The following SLC35E1 variants were observed in gnomAD, a reference collection of about 807,000 sequenced individuals.
SLC35E1 encodes solute carrier family 35, member E1.
Under a neutral mutation model 31.0 loss-of-function variants are expected in SLC35E1, and 12 were observed. The ratio of observed to expected loss-of-function variants is 0.39; its 90% CI spans 0.25 to 0.63. The LOEUF is 0.63. SLC35E1 is among the 20% of genes least tolerant of loss of function. SLC35E1 has a pLI of 0.52. For synonymous variants in SLC35E1, 257 were observed against 264.1 expected (o/e 0.97, Z 0.26); for missense variants, 429 against 572.2 (o/e 0.75, Z 2.55).
chr19:16,561,768 T>C (rs1194733422), intron 4 of SLC35E1, among the ~76,000 whole-genome samples: 1 of 152,278 alleles, frequency 6.6e-6, no homozygotes, highest in African/African-American at 2.4e-5. Context: ...GTGTAGTCTA[T>C]GTGGGAGACA....
chr19:16,564,457 C>T (rs530270023), intron 4 of SLC35E1, among the ~76,000 whole-genome samples: 1 of 152,228 alleles, frequency 6.6e-6, no homozygotes, highest in African/African-American at 2.4e-5. Context: ...AGGCGTGCAC[C>T]ACCATGCCTG....
At chr19:16,557,197 C>T in intron 4 of SLC35E1, 1 of 313,724 alleles carries the variant, frequency 3.2e-6, no homozygotes, top group Non-Finnish European at 6.3e-6. Context: ...CAATTCCAGG[C>T]ATTTTTTTTT....
chr19:16,561,262 A>G (rs1231654101), intron 4 of SLC35E1, among the ~76,000 whole-genome samples: 7 of 150,732 alleles, frequency 4.6e-5, no homozygotes, highest in Non-Finnish European at 8.9e-5. Flanking sequence ...AGAAAAGAGA[A>G]AGCCTAACAG....
intron 2 of SLC35E1, among the ~76,000 whole-genome samples, 184 bp from the exon 3 acceptor site, chr19:16,568,353 C>T (rs1468463774): frequency 6.6e-6 from 1 of 152,142 alleles, no homozygotes; most frequent in Admixed American, 6.5e-5. Flanking sequence ...GTTATCAGAG[C>T]GCCAGGGGCA....
At chr19:16,568,403 C>T (rs1466805237) in intron 2 of SLC35E1, among the ~76,000 whole-genome samples, 6 of 152,234 alleles carry the variant, frequency 3.9e-5, no homozygotes, top group Admixed American at 3.3e-4. Context: ...TACCGTCACC[C>T]CCATTAAGAG....
At position 16,553,538 on chromosome 19, in the gene SLC35E1, C is replaced by G; in HGVS notation, c.*141G>C. 5 of 769,392 alleles carry G rather than the reference C, an allele frequency of 6.5e-6. No individual in the cohort carries two copies. In the Middle Eastern group the frequency reaches 1.3e-3, roughly 194 times the overall value. The allele number at this position is 769,392 out of a possible 1,614,324, so 47.7% of individuals were successfully genotyped here. ...CATCCTCCTGCGGCTCACGGGGGGC[C>G]AGGAACCCCAGGGCTTCTGATGGAG... On this transcript the variant is annotated 3_prime_UTR_variant, in exon 6 of 6. Coordinates refer to ENST00000595753, the MANE Select transcript of SLC35E1 (RefSeq NM_024881.5).
intron 4 of SLC35E1, among the ~76,000 whole-genome samples, chr19:16,563,693 C>G (rs1335293596): frequency 6.6e-6 from 1 of 152,156 alleles, no homozygotes; most frequent in Non-Finnish European, 1.5e-5. Context: ...GTTGGCCAGG[C>G]TGGTTTCGAA....
chr19:16,561,079 T>C (rs2085903230), intron 4 of SLC35E1, among the ~76,000 whole-genome samples: 1 of 148,708 alleles, frequency 6.7e-6, no homozygotes, highest in Non-Finnish European at 1.5e-5. Flanking sequence ...CTGGGCATGA[T>C]GGCATGTGCC....
At chr19:16,563,700 C>T (rs1416457185) in intron 4 of SLC35E1, among the ~76,000 whole-genome samples, 1 of 152,038 alleles carries the variant, frequency 6.6e-6, no homozygotes, top group Admixed American at 6.6e-5. Context: ...AGGCTGGTTT[C>T]GAACTCCTGG....
chr19:16,568,110 C>T lies in SLC35E1; in HGVS notation c.552G>A (p.Leu184=). 3 of 1,613,798 alleles carry T rather than the reference C, an allele frequency of 1.9e-6. No individual in the cohort carries two copies. The highest frequency in any genetic ancestry group is 2.5e-6 in the Non-Finnish European group (3 of 1,179,950). ...SGVLLATVTE[L]SFDMWGLVSA... is the part of the protein sequence containing the mutation. ...TGACGAGTCCCCACATGTCAAAAGA[C>T]AACTCGGTGACGGTGGCCAGCAGGA... Residue 184 remains leucine (L), a synonymous_variant, in exon 3 of 6, where the codon TTG becomes TTA. Transcript: ENST00000595753.
chr19:16,561,213 CAAAAAAAAAAAAAAAAAAAA>C (rs59176175), intron 4 of SLC35E1, among the ~76,000 whole-genome samples: 2 of 24,744 alleles, frequency 8.1e-5, no homozygotes, highest in South Asian at 3.8e-3. Flanking sequence ...GACTCCATCT[CAAAAAAAAAAAAAAAAAAAA>C]AAAAAAAAAA....
At chr19:16,560,971 G>A (rs573453128) in intron 4 of SLC35E1, among the ~76,000 whole-genome samples, 3 of 149,158 alleles carry the variant, frequency 2.0e-5, no homozygotes, top group Non-Finnish European at 3.0e-5. Flanking sequence ...GGAGGTCGAG[G>A]CAGGCAGATC....
chr19:16,571,744 G>A (rs2085959819), intron 1 of SLC35E1, among the ~76,000 whole-genome samples, 162 bp from the exon 2 acceptor site: 1 of 152,176 alleles, frequency 6.6e-6, no homozygotes, highest in Admixed American at 6.5e-5. Flanking sequence ...GGTCTGTCCT[G>A]CTTACCTCTC....
intron 4 of SLC35E1, among the ~76,000 whole-genome samples, chr19:16,564,621 G>A (rs2085922810): frequency 6.6e-6 from 1 of 152,066 alleles, no homozygotes; most frequent in African/African-American, 2.4e-5. Flanking sequence ...AGGACAATTT[G>A]ACTAGGAAAA....
rs984010174 is a variant in SLC35E1, at chr19:16,555,393, T to C, written c.761A>G (p.Tyr254Cys). 8.1e-6 allele frequency: 13 copies of C among 1,613,376 alleles called. No homozygotes were observed. The highest frequency in any genetic ancestry group is 1.1e-5 in the Non-Finnish European group (13 of 1,179,996). ...SAFLVSSDLT[Y>C]VYQWPWTLLL... ...GAGCGTCCAGGGCCACTGGTAGACG[T>C]AGGTCTGCAGAGACCGGAAGGTAAA... The change falls in exon 5 of 6, where the codon TAC becomes TGC. Residue 254 changes from tyrosine (Y) to cysteine (C), a missense_variant. Coordinates refer to ENST00000595753, the MANE Select transcript of SLC35E1 (RefSeq NM_024881.5). This position sits in a 1 kb window ranked among gnomAD's most constrained non-coding sequence, Gnocchi z 4.1.
In SLC35E1 at chr19:16,572,005, G is replaced by A. The variant is rs2085961778; in HGVS notation, c.360C>T (p.Tyr120=). 1 of 1,546,636 alleles carries A rather than the reference G, an allele frequency of 6.5e-7. No individual in the cohort carries two copies. Among genetic ancestry groups the A allele is most frequent in the Non-Finnish European group, 8.7e-7 (1 of 1,145,384 alleles). ...RYVLPLAFGK[Y]FASVSAHVSI... ...TGACGTGCGCTGACACGGACGCGAAGTACTTGCCGAAGGCGAGCGGTAGCA... is the reference window on the plus strand; with the variant it reads ...TGACGTGCGCTGACACGGACGCGAAATACTTGCCGAAGGCGAGCGGTAGCA... Residue 120 remains tyrosine, a synonymous_variant, in exon 1 of 6, where the codon TAC becomes TAT. Transcript: ENST00000595753. The surrounding 1 kb of genome is among the most constrained non-coding windows in gnomAD (Gnocchi z 4.1).
chr19:16,558,874 GTTCTCCT>G (rs2085890148), intron 4 of SLC35E1, among the ~76,000 whole-genome samples: 1 of 149,814 alleles, frequency 6.7e-6, no homozygotes, highest in African/African-American at 2.5e-5. Flanking sequence ...CGTTCAAGCA[GTTCTCCT>G]GCCTCAGCCT....
intron 4 of SLC35E1, among the ~76,000 whole-genome samples, chr19:16,563,857 A>G (rs1388854621): frequency 6.6e-6 from 1 of 152,236 alleles, no homozygotes; most frequent in Non-Finnish European, 1.5e-5. Context: ...AAGCAATTAT[A>G]TGAGTGAGTG....
At chr19:16,554,820 G>GAA (rs59402960) in intron 5 of SLC35E1, among the ~76,000 whole-genome samples, 1,211 of 60,080 alleles carry the variant, frequency 0.02, 12 homozygotes, top group Non-Finnish European at 0.025. Flanking sequence ...ACTCCATCTC[G>GAA]AAAAAAAAAA....
Sources: allele counts gnomAD v4.1 joint callset (sites outside exome capture counted in the v4.1 genomes callset), GRCh38; gene constraint gnomAD v4.1.1; non-coding constraint Gnocchi (gnomAD v3.1); transcripts MANE v1.5; gene names NCBI Gene and HGNC (gene_info 2026-07-23, HGNC 2026-07-21).